Variants in GRIA2 observed in about 807,000 individuals in gnomAD.
GRIA2 encodes the protein glutamate receptor 2.
GRIA2 carries 14 observed loss-of-function variants against 97.3 expected under a neutral mutation model. The ratio of observed to expected loss-of-function variants is 0.14; its 90% confidence interval spans 0.10 to 0.23. The LOEUF (loss-of-function observed/expected upper bound fraction) is 0.23. Ranked by LOEUF, GRIA2 falls within the 10% of genes least tolerant of loss-of-function variation. GRIA2 has a pLI of 1.00. For missense variants in GRIA2, 558 were observed against 1,069.8 expected, an observed-to-expected ratio of 0.52 and a Z score of 6.67; for synonymous variants, 412 against 387.8, an observed-to-expected ratio of 1.06 and a Z score of -0.73.
intron 4 of GRIA2, among the ~76,000 whole-genome samples, chr4:157,316,935 A>G (rs1033624632): frequency 1.3e-5 from 2 of 152,202 alleles, no homozygotes; most frequent in African/African-American, 2.4e-5. Context: ...AGTCAAATTG[A>G]TCAATAATGT....
At chr4:157,343,217 T>C (rs1466007003) in intron 12 of GRIA2, among the ~76,000 whole-genome samples, 1 of 152,096 alleles carries the variant, frequency 6.6e-6, no homozygotes, top group East Asian at 1.9e-4. Context: ...GGCAAATTGA[T>C]GACTTCTATC....
chr4:157,234,016 G>A (rs1427643751), intron 2 of GRIA2, among the ~76,000 whole-genome samples: 1 of 152,094 alleles, frequency 6.6e-6, no homozygotes, highest in African/African-American at 2.4e-5. Context: ...AACATAGCTA[G>A]TATATTTGAA....
chr4:157,285,253 G>A (rs1579331901), intron 2 of GRIA2, among the ~76,000 whole-genome samples: 1 of 151,234 alleles, frequency 6.6e-6, no homozygotes, highest in African/African-American at 2.4e-5. Flanking sequence ...TTTATATTGG[G>A]TTGTCTGTTT....
At chr4:157,263,158 C>A (rs2126772970) in intron 2 of GRIA2, among the ~76,000 whole-genome samples, 1 of 152,128 alleles carries the variant, frequency 6.6e-6, no homozygotes, top group South Asian at 2.1e-4. Flanking sequence ...ATATATTAAG[C>A]TCTTCAATTT....
chr4:157,257,194 G>A lies in GRIA2; in HGVS notation c.229+35387G>A, dbSNP rs72962831. Among the ~76,000 whole-genome samples the A allele has an allele frequency of 7.7e-3, 1,172 of 152,114 alleles. 11 individuals are homozygous for A. Among genetic ancestry groups the A allele is most frequent in the African/African-American group, 0.027 (1,113 of 41,528 alleles). On this transcript the variant is annotated intron_variant, in intron 2 of 15. Transcript: ENST00000264426. Reference sequence around the variant, plus strand: ...GGTTAACTTTCCTAGTGTCACCTTCGAGAAAGCTGGGATGGAATCTATCAC... The same window carrying A: ...GGTTAACTTTCCTAGTGTCACCTTCAAGAAAGCTGGGATGGAATCTATCAC...
Position 157,240,493 on chromosome 4 carries a change from C to T in GRIA2, c.229+18686C>T, listed in dbSNP as rs114499923. Among the ~76,000 whole-genome samples the T allele has an allele frequency of 7.4e-3, 1,126 of 152,042 alleles. 10 individuals carry two copies. Among genetic ancestry groups the T allele is most frequent in the African/African-American group, 0.025 (1,050 of 41,512 alleles). On this transcript the variant is annotated intron_variant, in intron 2 of 15. Coordinates refer to ENST00000264426, the MANE Select transcript of GRIA2 (RefSeq NM_001083619.3). Reference sequence around the variant, plus strand: ...ATTTCCTTTCCTTCCTAATGTATCTCTTTCTCCACTTTATGCCTGGGCAGC... The same window carrying T: ...ATTTCCTTTCCTTCCTAATGTATCTTTTTCTCCACTTTATGCCTGGGCAGC...
At chr4:157,328,626 A>G (rs1423501002) in intron 6 of GRIA2, among the ~76,000 whole-genome samples, 3 of 152,034 alleles carry the variant, frequency 2.0e-5, no homozygotes, top group South Asian at 2.1e-4. Context: ...CAAACCAGAC[A>G]ATGCCTTGAT....
At chr4:157,294,821 G>C (rs1162461693) in intron 2 of GRIA2, among the ~76,000 whole-genome samples, 3 of 152,054 alleles carry the variant, frequency 2.0e-5, no homozygotes, top group African/African-American at 7.2e-5. Context: ...ATTCAGCCTG[G>C]CACTCTTTAT....
In GRIA2 at chr4:157,355,425, G is replaced by C. The variant is rs970997952; in HGVS notation, c.2044-4471G>C. 2.0e-5 allele frequency among the ~76,000 whole-genome samples: 3 copies of C among 151,346 alleles called. No homozygotes were observed. In the South Asian group the frequency reaches 6.2e-4, roughly 31 times the overall value. On this transcript the variant is annotated intron_variant, in intron 12 of 15. Transcript: ENST00000264426. ...TGCCTGTAATCCCAGCTACCCAGGA[G>C]GCTGAGGCAGGAGAATTGCTTGAAG...
intron 2 of GRIA2, among the ~76,000 whole-genome samples, chr4:157,294,943 C>T (rs1200215261): frequency 6.6e-6 from 1 of 152,112 alleles, no homozygotes; most frequent in African/African-American, 2.4e-5. Context: ...GGAGAAAATA[C>T]GTATCCCAAA....
chr4:157,360,193 C>T, intron 13 of GRIA2, 50 bp downstream of exon 13: 2 of 1,569,528 alleles, frequency 1.3e-6, no homozygotes, highest in African/African-American at 1.4e-5. Context: ...AGTATCCCAC[C>T]TACCCTGATG....
chr4:157,258,749 C>T (rs1339674684), intron 2 of GRIA2, among the ~76,000 whole-genome samples: 5 of 152,004 alleles, frequency 3.3e-5, no homozygotes, highest in East Asian at 3.9e-4. Context: ...GATGTCTCCC[C>T]GAACACCCAG....
chr4:157,333,452 A>G (rs112252243), intron 8 of GRIA2, 99 bp downstream of exon 8: 10 of 537,594 alleles, frequency 1.9e-5, no homozygotes, highest in African/African-American at 1.2e-4. Flanking sequence ...GTGTATTCAC[A>G]TAGAGTTTAA....
At chr4:157,287,897 G>T (rs189508573) in intron 2 of GRIA2, among the ~76,000 whole-genome samples, 1 of 151,462 alleles carries the variant, frequency 6.6e-6, no homozygotes, top group Non-Finnish European at 1.5e-5. Context: ...TCTGTTTTCC[G>T]TGTATTATCT....
intron 4 of GRIA2, among the ~76,000 whole-genome samples, chr4:157,316,720 G>A (rs1330778489): frequency 6.6e-6 from 1 of 152,134 alleles, no homozygotes; most frequent in Non-Finnish European, 1.5e-5. Flanking sequence ...ACTTTGGAAA[G>A]CAAAACTCAC....
chr4:157,295,311 T>C (rs1293804193), intron 2 of GRIA2, among the ~76,000 whole-genome samples: 1 of 152,160 alleles, frequency 6.6e-6, no homozygotes, highest in African/African-American at 2.4e-5. Flanking sequence ...CAATCTAGTA[T>C]TTCTGTGAAA....
chr4:157,223,332 A>G (rs1336450958), intron 2 of GRIA2, among the ~76,000 whole-genome samples: 2 of 152,208 alleles, frequency 1.3e-5, no homozygotes, highest in Non-Finnish European at 2.9e-5. Flanking sequence ...TTTCACTGCT[A>G]TATATTTTCT....
intron 12 of GRIA2, among the ~76,000 whole-genome samples, chr4:157,344,279 A>T (rs1579379765): frequency 6.6e-6 from 1 of 152,146 alleles, no homozygotes; most frequent in Admixed American, 6.6e-5. Flanking sequence ...GTGGCAAGGG[A>T]AATTCTTGTT....
intron 3 of GRIA2, among the ~76,000 whole-genome samples, chr4:157,308,528 C>A (rs1733939378): frequency 6.6e-6 from 1 of 152,088 alleles, no homozygotes; most frequent in African/African-American, 2.4e-5. Context: ...AGATGATCAA[C>A]TATGTATCTC....
Sources: allele counts gnomAD v4.1 joint callset (sites outside exome capture counted in the v4.1 genomes callset), GRCh38; gene constraint gnomAD v4.1.1; transcripts MANE v1.5; gene names NCBI Gene and HGNC (gene_info 2026-07-23, HGNC 2026-07-21).